KCTD1: variants seen among roughly 807,000 people sequenced by gnomAD.
KCTD1 encodes the protein potassium channel tetramerization domain containing 1, also known as BTB/POZ domain-containing protein KCTD1.
KCTD1 carries 24 observed loss-of-function variants against 66.0 expected under a neutral mutation model. The observed-to-expected ratio is 0.36, with a 90% confidence interval of 0.26 to 0.51. KCTD1 has a LOEUF of 0.51. KCTD1 is among the 20% of genes least tolerant of loss of function. KCTD1 has a pLI of 0.95. For synonymous variants in KCTD1, 511 were observed against 517.2 expected (o/e 0.99, Z 0.16); for missense variants, 943 against 1,205.2 (o/e 0.78, Z 3.22).
chr18:26,568,633 A>C (rs1986037052), intron 1 of KCTD1, among the ~76,000 whole-genome samples: 2 of 152,222 alleles, frequency 1.3e-5, no homozygotes. Context: ...TTGCATCTAA[A>C]ACCGTTACAC....
At chr18:26,554,062 A>ACATTCTTCTGTGTCTT (rs1567992473) in intron 1 of KCTD1, among the ~76,000 whole-genome samples, 1 of 150,620 alleles carries the variant, frequency 6.6e-6, no homozygotes. Flanking sequence ...AATAGGAAGG[A>ACATTCTTCTGTGTCTT]AAGAAAGAAT....
chr18:26,605,330 C>T (rs1028012910), intron 1 of KCTD1, among the ~76,000 whole-genome samples: 1 of 152,104 alleles, frequency 6.6e-6, no homozygotes, highest in Non-Finnish European at 1.5e-5. Flanking sequence ...CAATTTTGCC[C>T]CAATTTTTCC....
At chr18:26,598,310 T>G (rs1372085867) in intron 1 of KCTD1, among the ~76,000 whole-genome samples, 1 of 152,244 alleles carries the variant, frequency 6.6e-6, no homozygotes, top group Non-Finnish European at 1.5e-5. Context: ...CTGAATAATA[T>G]TCCATGTAGG....
rs761450141 is a variant in KCTD1 at position 26,476,707 on chromosome 18, G to A, written c.1989-48C>T. 7.7e-6 allele frequency: 12 copies of A among 1,552,602 alleles called. No homozygotes were observed. Among genetic ancestry groups the A allele is most frequent in the South Asian group, 2.3e-5 (2 of 87,028 alleles). ...GTGAAGACAATTAGATCAATTGTTC[G>A]GGCACTAGGACTAAGAGGTGTCTTT... On this transcript the variant is annotated intron_variant, in intron 2 of 4. Transcript: ENST00000580059. This position sits in a 1 kb window ranked among gnomAD's most constrained non-coding sequence, Gnocchi z 4.9.
At chr18:26,633,529 T>G (rs1987663970), upstream of KCTD1, among the ~76,000 whole-genome samples, 1 of 152,032 alleles carries the variant, frequency 6.6e-6, no homozygotes, top group Admixed American at 6.6e-5. Context: ...TAAAATAAAA[T>G]AATTACCCCC....
intron 1 of KCTD1, among the ~76,000 whole-genome samples, chr18:26,626,545 G>A (rs964608278): frequency 2.0e-5 from 3 of 148,662 alleles, no homozygotes; most frequent in Non-Finnish European, 4.4e-5. Flanking sequence ...GTGCAATTAC[G>A]GCTCACCACA....
At chr18:26,477,271 C>CA (rs896967224) in intron 2 of KCTD1, among the ~76,000 whole-genome samples, 4 of 152,142 alleles carry the variant, frequency 2.6e-5, no homozygotes, top group African/African-American at 9.6e-5. Context: ...GGCACCATTA[C>CA]AAAAAAAATT....
upstream of KCTD1, among the ~76,000 whole-genome samples, chr18:26,551,898 C>G (rs1985579538): frequency 6.6e-6 from 1 of 152,166 alleles, no homozygotes; most frequent in Non-Finnish European, 1.5e-5. Context: ...TCATGAAGTC[C>G]GTTCAGACTA....
At chr18:26,588,359 C>G (rs543610659) in intron 1 of KCTD1, among the ~76,000 whole-genome samples, 3 of 148,150 alleles carry the variant, frequency 2.0e-5, no homozygotes, top group African/African-American at 7.4e-5. Flanking sequence ...GGAGTGAAAA[C>G]AGTTTTGACT....
At chr18:26,625,216 A>C (rs1315437618) in intron 1 of KCTD1, among the ~76,000 whole-genome samples, 1 of 152,198 alleles carries the variant, frequency 6.6e-6, no homozygotes, top group Non-Finnish European at 1.5e-5. Flanking sequence ...GGAATGAATT[A>C]AGACTTTGGA....
intron 1 of KCTD1, among the ~76,000 whole-genome samples, chr18:26,595,353 T>C (rs1333749962): frequency 6.6e-6 from 1 of 152,242 alleles, no homozygotes; most frequent in East Asian, 1.9e-4. Flanking sequence ...CCTGTCTCCA[T>C]TCTTCAGTAG....
intron 1 of KCTD1, among the ~76,000 whole-genome samples, chr18:26,648,537 T>C (rs1266692935): frequency 6.6e-6 from 1 of 152,230 alleles, no homozygotes; most frequent in African/African-American, 2.4e-5. Flanking sequence ...AATTACTTTA[T>C]TGTGTTTCCT....
upstream of KCTD1, among the ~76,000 whole-genome samples, chr18:26,629,606 G>A (rs141437908): frequency 6.6e-4 from 100 of 152,278 alleles, no homozygotes; most frequent in Admixed American, 2.7e-3. Flanking sequence ...CATTTACATT[G>A]CAACCTCAAA....
intron 1 of KCTD1, among the ~76,000 whole-genome samples, chr18:26,585,185 C>T (rs984437906): frequency 6.6e-6 from 1 of 152,152 alleles, no homozygotes; most frequent in African/African-American, 2.4e-5. Flanking sequence ...TAGCCAGGAC[C>T]TCTATCTGTT....
intron 1 of KCTD1, among the ~76,000 whole-genome samples, chr18:26,593,307 A>G (rs1190942021): frequency 2.8e-3 from 248 of 89,846 alleles, no homozygotes; most frequent in Middle Eastern, 7.9e-3. Flanking sequence ...ATATGAGGAG[A>G]AGGAAGAGGA....
chr18:26,640,606 G>A (rs1987815115), upstream of KCTD1, among the ~76,000 whole-genome samples: 1 of 152,092 alleles, frequency 6.6e-6, no homozygotes. Flanking sequence ...AGGGATTGAG[G>A]GAAAGAAAAG....
chr18:26,480,040 ATTTTTTTT>A (rs199551482), intron 2 of KCTD1, among the ~76,000 whole-genome samples: 3 of 139,774 alleles, frequency 2.1e-5, no homozygotes, highest in African/African-American at 2.7e-5. Flanking sequence ...TGGTTTTGGA[ATTTTTTTT>A]TTTTTTTTTT....
chr18:26,456,803 G>C lies in KCTD1; in HGVS notation c.2440-902C>G, dbSNP rs185005226. 1.1e-3 allele frequency: 163 copies of C among 151,982 alleles called. 2 individuals are homozygous for C. The highest frequency in any genetic ancestry group is 3.1e-3 in the African/African-American group (127 of 41,454). The allele number at this position is 151,982 out of a possible 1,614,324, so 9.4% of individuals were successfully genotyped here. A position where few individuals can be genotyped will look rare whatever the true frequency, so the allele number is the denominator to read the frequency against. On this transcript the variant is annotated intron_variant, in intron 4 of 4. Coordinates refer to ENST00000580059, the MANE Select transcript of KCTD1 (RefSeq NM_001142730.3). Reference sequence around the variant, plus strand: ...GACAAAAATACAGGAAACTGATCTGGAGCATTCTGTTTCTTTAGGAATCCA... The same window carrying C: ...GACAAAAATACAGGAAACTGATCTGCAGCATTCTGTTTCTTTAGGAATCCA...
chr18:26,591,443 T>A (rs1055403706), intron 1 of KCTD1: 1 of 145,750 alleles, frequency 6.9e-6, no homozygotes, highest in Non-Finnish European at 1.5e-5. Context: ...TTGCTCAAGG[T>A]CTCCCGACTA....
Sources: allele counts gnomAD v4.1 joint callset (sites outside exome capture counted in the v4.1 genomes callset), GRCh38; gene constraint gnomAD v4.1.1; non-coding constraint Gnocchi (gnomAD v3.1); transcripts MANE v1.5; gene names NCBI Gene and HGNC (gene_info 2026-07-23, HGNC 2026-07-21).